NXPH1: variants seen among roughly 807,000 people sequenced by gnomAD.
NXPH1 encodes neurexophilin-1.
In NXPH1, 5 loss-of-function variants were observed where a neutral mutation model predicts 23.7. That is an observed-to-expected ratio of 0.21 (90% CI 0.11 to 0.44). The LOEUF (loss-of-function observed/expected upper bound fraction) is 0.44. Ranked by LOEUF, NXPH1 falls within the 20% of genes least tolerant of loss-of-function variation. The pLI, the probability that NXPH1 is intolerant of heterozygous loss-of-function variation, is 0.99. For missense variants in NXPH1, 324 were observed against 321.6 expected (o/e 1.01, Z -0.06); for synonymous variants, 144 against 122.2 (o/e 1.18, Z -1.18).
chr7:8,674,755 T>C (rs997127627), intron 2 of NXPH1, among the ~76,000 whole-genome samples: 1 of 152,160 alleles, frequency 6.6e-6, no homozygotes, highest in African/African-American at 2.4e-5. Flanking sequence ...ACCATGCTGA[T>C]AGCCAGCAGC....
At chr7:8,458,002 A>G (rs1268909918) in intron 2 of NXPH1, among the ~76,000 whole-genome samples, 2 of 152,364 alleles carry the variant, frequency 1.3e-5, no homozygotes, top group African/African-American at 4.8e-5. Flanking sequence ...ATGTCATATT[A>G]AATGTTTTTA....
intron 2 of NXPH1, among the ~76,000 whole-genome samples, chr7:8,713,763 T>C (rs1343623956): frequency 6.6e-6 from 1 of 152,236 alleles, no homozygotes; most frequent in Admixed American, 6.5e-5. Context: ...AAGAATTCTC[T>C]GGATTACCAG....
At chr7:8,626,524 A>AT (rs913481862) in intron 2 of NXPH1, among the ~76,000 whole-genome samples, 13 of 150,690 alleles carry the variant, frequency 8.6e-5, no homozygotes, top group Non-Finnish European at 1.2e-4. Context: ...TTGAATTTTC[A>AT]TTTTTTTTCT....
intron 2 of NXPH1, among the ~76,000 whole-genome samples, chr7:8,457,235 T>G (rs1251497490): frequency 1.3e-5 from 2 of 152,206 alleles, no homozygotes; most frequent in Admixed American, 1.3e-4. Flanking sequence ...TTTACAACAG[T>G]TGGCAACTGA....
At chr7:8,694,787 T>C (rs984892319) in intron 2 of NXPH1, among the ~76,000 whole-genome samples, 8 of 152,222 alleles carry the variant, frequency 5.3e-5, no homozygotes, top group African/African-American at 1.7e-4. Flanking sequence ...TGAAATAGCA[T>C]CTGCTTTCAG....
chr7:8,535,305 T>A (rs543917420), intron 2 of NXPH1, among the ~76,000 whole-genome samples: 9 of 152,248 alleles, frequency 5.9e-5, no homozygotes, highest in African/African-American at 1.7e-4. Flanking sequence ...GGGACAAATT[T>A]AGAGATACAT....
intron 2 of NXPH1, among the ~76,000 whole-genome samples, chr7:8,481,770 C>A (rs928314513): frequency 6.6e-6 from 1 of 151,950 alleles, no homozygotes; most frequent in Non-Finnish European, 1.5e-5. Context: ...ATGAATGATC[C>A]CATTTCCCAG....
intron 2 of NXPH1, among the ~76,000 whole-genome samples, chr7:8,549,479 G>A (rs1034791972): frequency 4.6e-5 from 7 of 151,406 alleles, no homozygotes; most frequent in African/African-American, 9.7e-5. Flanking sequence ...TAATAAAAGC[G>A]AAATATAAAA....
At chr7:8,591,381 C>T (rs1054053012) in intron 2 of NXPH1, among the ~76,000 whole-genome samples, 2 of 151,994 alleles carry the variant, frequency 1.3e-5, no homozygotes, top group African/African-American at 4.8e-5. Flanking sequence ...TTGTTTTTAA[C>T]CACCACTTTC....
chr7:8,733,651 A>G (rs1554269000), intron 2 of NXPH1, among the ~76,000 whole-genome samples: 1 of 151,910 alleles, frequency 6.6e-6, no homozygotes, highest in Non-Finnish European at 1.5e-5. Flanking sequence ...TTTTTTTTTA[A>G]TATGTTTTTT....
At chr7:8,543,119 T>C (rs1818144527) in intron 2 of NXPH1, among the ~76,000 whole-genome samples, 1 of 151,580 alleles carries the variant, frequency 6.6e-6, no homozygotes, top group South Asian at 2.1e-4. Flanking sequence ...ACCATGTATG[T>C]GTAGCTAACT....
intron 2 of NXPH1, among the ~76,000 whole-genome samples, chr7:8,550,442 C>G (rs1328278125): frequency 3.3e-5 from 5 of 151,558 alleles, no homozygotes; most frequent in African/African-American, 1.2e-4. Flanking sequence ...TAGAGTGAGC[C>G]TGCACTTTCA....
chr7:8,730,030 T>G (rs1370375435), intron 2 of NXPH1, among the ~76,000 whole-genome samples: 1 of 152,208 alleles, frequency 6.6e-6, no homozygotes, highest in Non-Finnish European at 1.5e-5. Context: ...GCTCCTATAT[T>G]GGGTGCATAT....
intron 2 of NXPH1, among the ~76,000 whole-genome samples, chr7:8,618,572 A>T (rs1362068786): frequency 6.6e-6 from 1 of 152,186 alleles, no homozygotes; most frequent in African/African-American, 2.4e-5. Context: ...GTATTGCATT[A>T]TAGCACAAAC....
At chr7:8,709,967 C>T (rs1779761765) in intron 2 of NXPH1, among the ~76,000 whole-genome samples, 1 of 152,132 alleles carries the variant, frequency 6.6e-6, no homozygotes, top group South Asian at 2.1e-4. Context: ...TAATAAGGCT[C>T]ACAAGTTATA....
At position 8,666,115 on chromosome 7, in the gene NXPH1, G is replaced by C. The variant is rs539532220; in HGVS notation, c.55-84893G>C. On this transcript the variant is annotated intron_variant, in intron 2 of 2. Transcript: ENST00000405863. ...AAATGTGGGAAGAGTGGGCCTCCTT[G>C]CCTTGTTCTTGATCATAGATAAAAG... is the stretch of plus-strand genomic sequence containing the variant. Among the ~76,000 whole-genome samples the C allele has an allele frequency of 5.3e-5, 8 of 151,774 alleles. No individual in the cohort carries two copies. The East Asian group carries it at 1.5e-3, about 29-fold the overall frequency.
At chr7:8,576,738 T>C (rs1250549318) in intron 2 of NXPH1, among the ~76,000 whole-genome samples, 1 of 151,970 alleles carries the variant, frequency 6.6e-6, no homozygotes, top group Non-Finnish European at 1.5e-5. Context: ...AGAGATGTGA[T>C]AGGATAAGTA....
At chr7:8,485,220 T>C (rs917322158) in intron 2 of NXPH1, among the ~76,000 whole-genome samples, 3 of 152,182 alleles carry the variant, frequency 2.0e-5, no homozygotes, top group African/African-American at 7.2e-5. Flanking sequence ...GCAGTTCCCC[T>C]GCACGTGCTC....
intron 2 of NXPH1, among the ~76,000 whole-genome samples, chr7:8,623,858 C>T (rs1478984983): frequency 6.6e-6 from 1 of 151,758 alleles, no homozygotes; most frequent in Non-Finnish European, 1.5e-5. Flanking sequence ...CATACTCAGA[C>T]CCATACTCAT....
Sources: gnomAD v4.1 joint callset for allele counts (sites outside exome capture counted in the v4.1 genomes callset) on GRCh38, gnomAD v4.1.1 for gene constraint, MANE v1.5 for transcripts, NCBI Gene and HGNC (gene_info 2026-07-23, HGNC 2026-07-21) for gene names.